Variants in APP observed in about 807,000 individuals in gnomAD.
The protein encoded by APP is amyloid-beta precursor protein.
APP carries 31 observed loss-of-function variants against 101.4 expected under a neutral mutation model. The observed-to-expected ratio is 0.31, with a 90% CI of 0.23 to 0.41. The LOEUF (loss-of-function observed/expected upper bound fraction) is 0.41, where lower values mean the gene tolerates loss of function less well. Among genes scored for constraint, APP ranks in the 10% least tolerant of loss-of-function variants. APP has a pLI of 1.00. For synonymous variants in APP, 366 were observed against 364.4 expected, an observed-to-expected ratio of 1.00 and a Z score of -0.05; for missense variants, 839 against 1,003.7, an observed-to-expected ratio of 0.84 and a Z score of 2.22.
At chr21:26,016,696 T>C (rs1234493594) in intron 6 of APP, among the ~76,000 whole-genome samples, 2 of 152,136 alleles carry the variant, frequency 1.3e-5, no homozygotes, top group Non-Finnish European at 2.9e-5. Context: ...CTCAGCCTCC[T>C]GTGTAGCTAG....
chr21:26,151,579 T>C (rs756722211), intron 1 of APP, among the ~76,000 whole-genome samples: 2 of 152,212 alleles, frequency 1.3e-5, no homozygotes, highest in African/African-American at 4.8e-5. Flanking sequence ...AGGGAATGGT[T>C]TGATGAAAGA....
In APP at chr21:26,170,750, A is replaced by T; in HGVS notation, c.-130T>A. ...CACGCTCCTCCGCGTGCTCTCGCCT[A>T]CCGCTGCCGAGGAAACTGACGGAGC... is the stretch of plus-strand genomic sequence containing the variant. On this transcript the variant is annotated 5_prime_UTR_variant, in exon 1 of 18. Transcript: ENST00000346798. The T allele has an allele frequency of 4.0e-6, 4 of 1,001,448 alleles. No individual in the cohort carries two copies. Among genetic ancestry groups the T allele is most frequent in the Non-Finnish European group, 5.5e-6 (4 of 732,772 alleles). 62.0% of individuals were successfully genotyped at this position (1,001,448 alleles called of 1,614,324 possible). A position where few individuals can be genotyped will look rare whatever the true frequency, so the allele number is the denominator to read the frequency against.
At chr21:26,136,276 C>G (rs1444130011) in intron 1 of APP, among the ~76,000 whole-genome samples, 3 of 152,054 alleles carry the variant, frequency 2.0e-5, no homozygotes, top group Non-Finnish European at 4.4e-5. Context: ...GCCACTGCCT[C>G]TCTGAAAGAA....
intron 13 of APP, among the ~76,000 whole-genome samples, chr21:25,952,344 C>T (rs1187353958): frequency 2.0e-5 from 3 of 150,826 alleles, no homozygotes; most frequent in East Asian, 1.9e-4. Context: ...GTGTGCTGCA[C>T]CCCCTAATAT....
chr21:26,164,791 G>A (rs192702589), intron 1 of APP, among the ~76,000 whole-genome samples: 1 of 151,346 alleles, frequency 6.6e-6, no homozygotes, highest in African/African-American at 2.4e-5. Context: ...AGGAGGCGGA[G>A]GTTGCAGTGA....
chr21:25,968,257 A>ACCTCAGCCTCCAGAGT, intron 11 of APP, among the ~76,000 whole-genome samples: 1 of 148,848 alleles, frequency 6.7e-6, no homozygotes, highest in Non-Finnish European at 1.5e-5. Flanking sequence ...TCACACTCAC[A>ACCTCAGCCTCCAGAGT]CCTCAGCCTC....
intron 3 of APP, among the ~76,000 whole-genome samples, chr21:26,075,429 C>T (rs1023290557): frequency 5.3e-5 from 8 of 152,174 alleles, no homozygotes; most frequent in African/African-American, 1.7e-4. Context: ...TACTTTGTCC[C>T]AACCTATTAC....
rs943764960 is a variant in APP at position 25,881,434 on chromosome 21, C to T, written c.*236G>A. On this transcript the variant is annotated 3_prime_UTR_variant, in exon 18 of 18. Coordinates refer to ENST00000346798, the MANE Select transcript of APP (RefSeq NM_000484.4). Reference sequence around the variant, plus strand: ...GCTAAATTCTTTACAGTACACAAAACCCATTAATAATGTAGTATAGAGACC... The same window carrying T: ...GCTAAATTCTTTACAGTACACAAAATCCATTAATAATGTAGTATAGAGACC... The T allele has an allele frequency of 6.9e-6, 4 of 579,368 alleles. No individual in the cohort carries two copies. Among genetic ancestry groups the T allele is most frequent in the African/African-American group, 5.6e-5 (3 of 53,486 alleles). The allele number at this position is 579,368 out of a possible 1,614,324, so 35.9% of individuals were successfully genotyped here.
chr21:26,141,284 A>C (rs954943480), intron 1 of APP, among the ~76,000 whole-genome samples: 1 of 152,240 alleles, frequency 6.6e-6, no homozygotes, highest in African/African-American at 2.4e-5. Flanking sequence ...AATGTTACTT[A>C]ACGTTTTACA....
At chr21:26,037,244 G>C in intron 5 of APP, among the ~76,000 whole-genome samples, 1 of 152,112 alleles carries the variant, frequency 6.6e-6, no homozygotes, top group East Asian at 1.9e-4. Context: ...GATAGAGAAA[G>C]ATTTGTTAAA....
intron 6 of APP, among the ~76,000 whole-genome samples, chr21:26,020,197 T>C (rs2044276929): frequency 6.6e-6 from 1 of 152,180 alleles, no homozygotes; most frequent in Non-Finnish European, 1.5e-5. Context: ...CCATGTATTA[T>C]ATGATCCCAC....
In APP at chr21:25,888,035, T is replaced by C. The variant is rs576032215; in HGVS notation, c.2211+3687A>G. ...TTTTTCACTCTAAAAACAAAAAATCTCCTGGAAACCAAAGCTTTCATCATG... is the reference window on the plus strand; with the variant it reads ...TTTTTCACTCTAAAAACAAAAAATCCCCTGGAAACCAAAGCTTTCATCATG... On this transcript the variant is annotated intron_variant, in intron 17 of 17. Transcript: ENST00000346798. 3.3e-5 allele frequency among the ~76,000 whole-genome samples: 5 copies of C among 152,254 alleles called. No individual in the cohort carries two copies. The East Asian group carries it at 9.6e-4, about 29-fold the overall frequency.
intron 11 of APP, among the ~76,000 whole-genome samples, chr21:25,969,682 T>A (rs116729154): frequency 2.0e-5 from 3 of 151,250 alleles, no homozygotes; most frequent in Non-Finnish European, 4.4e-5. Context: ...TTTACAAAAA[T>A]TTTTTAAAAA....
At chr21:26,021,262 G>A (rs1467859774) in intron 6 of APP, among the ~76,000 whole-genome samples, 3 of 152,040 alleles carry the variant, frequency 2.0e-5, no homozygotes, top group African/African-American at 7.2e-5. Flanking sequence ...TGGCCAGACT[G>A]GTCTTGAACT....
intron 15 of APP, among the ~76,000 whole-genome samples, chr21:25,902,059 C>T (rs950934678): frequency 6.6e-6 from 1 of 152,164 alleles, no homozygotes; most frequent in Non-Finnish European, 1.5e-5. Context: ...ACTGTTATTA[C>T]AATGGTCCCT....
At chr21:25,984,616 T>A (rs1387017633) in intron 8 of APP, among the ~76,000 whole-genome samples, 2 of 152,206 alleles carry the variant, frequency 1.3e-5, no homozygotes, top group Non-Finnish European at 2.9e-5. Context: ...TTACTGACTT[T>A]AACTTAATGA....
At chr21:25,907,738 T>C (rs1187871169) in intron 14 of APP, among the ~76,000 whole-genome samples, 1 of 152,224 alleles carries the variant, frequency 6.6e-6, no homozygotes, top group Non-Finnish European at 1.5e-5. Context: ...TGCTGCCTTG[T>C]ACAAACTCTC....
At chr21:26,061,485 T>C (rs1286052515) in intron 3 of APP, among the ~76,000 whole-genome samples, 3 of 152,220 alleles carry the variant, frequency 2.0e-5, no homozygotes, top group Non-Finnish European at 4.4e-5. Flanking sequence ...CATTAACAAA[T>C]AGGCTGGGAA....
chr21:25,972,625 C>A (rs568801995), intron 11 of APP, among the ~76,000 whole-genome samples: 3 of 61,032 alleles, frequency 4.9e-5, no homozygotes, highest in Admixed American at 4.3e-4. Context: ...CAGTCTCGAA[C>A]TCCTGGGTTC....
Sources: gnomAD v4.1 joint callset for allele counts (sites outside exome capture counted in the v4.1 genomes callset) on GRCh38, gnomAD v4.1.1 for gene constraint, MANE v1.5 for transcripts, NCBI Gene and HGNC (gene_info 2026-07-23, HGNC 2026-07-21) for gene names.